The following FCRL5 variants were observed in gnomAD, a reference collection of about 807,000 sequenced individuals.
The protein encoded by FCRL5 is Fc receptor-like protein 5.
In FCRL5, 79 loss-of-function variants were observed where a neutral mutation model predicts 92.1. The ratio of observed to expected loss-of-function variants is 0.86; its 90% confidence interval spans 0.72 to 1.03. The LOEUF is 1.03. FCRL5 is among the 50% of genes least tolerant of loss of function. The pLI, the probability that FCRL5 is intolerant of heterozygous loss-of-function variation, is 0.00. For synonymous variants in FCRL5, 466 were observed against 469.3 expected (o/e 0.99, Z 0.09); for missense variants, 1,160 against 1,181.1 (o/e 0.98, Z 0.26).
At chr1:157,547,685 T>C (rs1168940846) in intron 2 of FCRL5, among the ~76,000 whole-genome samples, 1 of 152,162 alleles carries the variant, frequency 6.6e-6, no homozygotes, top group African/African-American at 2.4e-5. Flanking sequence ...CCCAGAAGAA[T>C]CCCATCACAG....
At chr1:157,542,795 G>A (rs749275979) in intron 6 of FCRL5, 64 bp downstream of exon 6, 31 of 1,555,438 alleles carry the variant, frequency 2.0e-5, no homozygotes, top group African/African-American at 8.2e-5. Flanking sequence ...GCTGACTTCC[G>A]AAGGGCAGGG....
chr1:157,531,812 T>G (rs964377648), intron 8 of FCRL5, among the ~76,000 whole-genome samples: 6 of 152,158 alleles, frequency 3.9e-5, no homozygotes, highest in African/African-American at 1.4e-4. Context: ...ACTGTGGTTA[T>G]CAGAGACTGG....
At chr1:157,521,925 C>A (rs747069245) in intron 10 of FCRL5, 1 of 152,128 alleles carries the variant, frequency 6.6e-6, no homozygotes, top group Non-Finnish European at 1.5e-5. Context: ...TATATTTCTA[C>A]AAGAATTTCT....
intron 6 of FCRL5, among the ~76,000 whole-genome samples, chr1:157,540,250 C>T (rs2101633727): frequency 6.6e-6 from 1 of 152,320 alleles, no homozygotes; most frequent in African/African-American, 2.4e-5. Context: ...CCTCTCCCAG[C>T]TCCCCTTGTT....
rs201143952 is a variant in FCRL5 at position 157,527,855 on chromosome 1, C to T, written c.1722G>A (p.Arg574=). 6.2e-7 allele frequency: 1 copy of T among 1,606,654 alleles called. No homozygotes were observed. Among genetic ancestry groups the T allele is most frequent in the Admixed American group, 1.7e-5 (1 of 59,376 alleles). The change falls in exon 9 of 17, where the codon AGG becomes AGA. Residue 574 remains arginine (R), a synonymous_variant. Transcript: ENST00000361835. ...SRPILTLRVP[R]AQAVVGDLLE... is the part of the protein sequence containing the mutation. ...GCAGGTCCCCCACCACAGCCTGGGC[C>T]CTGGGAACCCTGAGGGTGAGGATGG...
At chr1:157,529,058 GC>G (rs1650569513) in intron 8 of FCRL5, among the ~76,000 whole-genome samples, 1 of 152,190 alleles carries the variant, frequency 6.6e-6, no homozygotes, top group South Asian at 2.1e-4. Context: ...CACAGACTAT[GC>G]ATCTGACATG....
chr1:157,547,495 T>G, intron 2 of FCRL5: 1 of 525,684 alleles, frequency 1.9e-6, no homozygotes, highest in East Asian at 3.9e-5. Context: ...AGAAAATCAA[T>G]GCTGCGCTGC....
chr1:157,521,176 A>G lies in FCRL5; in HGVS notation c.2356T>C (p.Phe786Leu). The change falls in exon 11 of 17, where the codon TTT becomes CTT. Residue 786 changes from phenylalanine to leucine, a missense_variant. Phe to Leu is a conservative substitution (Grantham distance 22, BLOSUM62 0). Transcript: ENST00000361835. ...LRGSPLILYR[F>L]FHEDVTLGNR... ...CCTAGGGTGACATCCTCATGAAAAA[A>G]CCGGTACAGGATCAGGGGAGAGCCT... 3 of 1,613,938 alleles carry G rather than the reference A, an allele frequency of 1.9e-6. No individual in the cohort carries two copies. Among genetic ancestry groups the G allele is most frequent in the Non-Finnish European group, 2.5e-6 (3 of 1,179,990 alleles).
At chr1:157,538,415 T>A (rs988637824) in intron 7 of FCRL5, among the ~76,000 whole-genome samples, 7 of 152,218 alleles carry the variant, frequency 4.6e-5, no homozygotes, top group East Asian at 1.9e-4. Flanking sequence ...CACACATGGA[T>A]GGTTCAAAAC....
rs1278201350 is a variant in FCRL5 at position 157,519,790 on chromosome 1, A to G, written c.2633-20T>C. 6.2e-7 allele frequency: 1 copy of G among 1,613,818 alleles called. No individual in the cohort carries two copies. Among genetic ancestry groups the G allele is most frequent in the Admixed American group, 1.7e-5 (1 of 60,026 alleles). On this transcript the variant is annotated intron_variant, in intron 12 of 16. Transcript: ENST00000361835. Reference sequence around the variant, plus strand: ...TTCTCCCTGTAAAGGAAAGCAGAGGAGCATTGGATTCAGGAAGATGAGACC... The same window carrying G: ...TTCTCCCTGTAAAGGAAAGCAGAGGGGCATTGGATTCAGGAAGATGAGACC...
At chr1:157,545,466 T>C (rs910393821) in intron 3 of FCRL5, among the ~76,000 whole-genome samples, 6 of 151,950 alleles carry the variant, frequency 3.9e-5, no homozygotes, top group African/African-American at 1.4e-4. Flanking sequence ...TTATTGAACC[T>C]GATTTTTAAT....
intron 5 of FCRL5, among the ~76,000 whole-genome samples, chr1:157,544,043 C>A (rs965733776): frequency 2.0e-5 from 3 of 152,094 alleles, no homozygotes; most frequent in African/African-American, 7.2e-5. Context: ...TATTTAATGG[C>A]ATTGAAAGAA....
intron 8 of FCRL5, among the ~76,000 whole-genome samples, chr1:157,529,222 A>C (rs927525961): frequency 6.6e-6 from 1 of 152,258 alleles, no homozygotes; most frequent in African/African-American, 2.4e-5. Context: ...ACTATCAAGG[A>C]AATTCAAATC....
intron 7 of FCRL5, among the ~76,000 whole-genome samples, chr1:157,538,307 C>T (rs1651070029): frequency 6.6e-6 from 1 of 152,182 alleles, no homozygotes; most frequent in African/African-American, 2.4e-5. Flanking sequence ...GGAAAGGAAA[C>T]TGAGGCCGCT....
Position 157,539,478 on chromosome 1 carries a change from C to T in FCRL5, c.1124-114G>A, listed in dbSNP as rs530348141. ...CACTAAGCCAAAGGGAAAAGTCAAG[C>T]TGGGAACTATTTCAGGCAAACCTGC... On this transcript the variant is annotated intron_variant, in intron 6 of 16. Coordinates refer to ENST00000361835, the MANE Select transcript of FCRL5 (RefSeq NM_031281.3). 2.1e-4 allele frequency: 206 copies of T among 996,452 alleles called. No individual in the cohort carries two copies. In the African/African-American group the frequency reaches 3.1e-3, roughly 15 times the overall value. The allele number at this position is 996,452 out of a possible 1,614,324, so 61.7% of individuals were successfully genotyped here. A position where few individuals can be genotyped will look rare whatever the true frequency, so the allele number is the denominator to read the frequency against.
Position 157,547,160 on chromosome 1 carries a change from TG to T in FCRL5, c.89del (p.Pro30HisfsTer11). On this transcript the variant is annotated frameshift_variant, in exon 3 of 17. Coordinates refer to ENST00000361835, the MANE Select transcript of FCRL5 (RefSeq NM_031281.3). LOFTEE classifies it high-confidence loss of function. ...TPRPIIFLQP[P>X]WTTVFQGERV... ...TCTCTCCTTGGAAGACTGTGGTCCATGGAGGCTGGAGGAAAATAATGGGCCT... is the reference window on the plus strand; with the variant it reads ...TCTCTCCTTGGAAGACTGTGGTCCATGAGGCTGGAGGAAAATAATGGGCCT... 6.2e-7 allele frequency: 1 copy of T among 1,613,974 alleles called. No homozygotes were observed. The highest frequency in any genetic ancestry group is 8.5e-7 in the Non-Finnish European group (1 of 1,179,996).
At chr1:157,525,061 TAA>T (rs1056703633) in intron 9 of FCRL5, among the ~76,000 whole-genome samples, 5 of 152,226 alleles carry the variant, frequency 3.3e-5, no homozygotes, top group African/African-American at 1.2e-4. Flanking sequence ...GAGCATTTAA[TAA>T]GTCCCAAGAA....
intron 6 of FCRL5, among the ~76,000 whole-genome samples, chr1:157,540,167 TC>T (rs1166524520): frequency 1.3e-5 from 2 of 152,232 alleles, no homozygotes; most frequent in African/African-American, 4.8e-5. Flanking sequence ...CAGGCTACTC[TC>T]ACCAGCTCTC....
rs761061297 is a variant in FCRL5, at chr1:157,518,739, C to T, written c.2704G>A (p.Val902Ile). The T allele has an allele frequency of 6.2e-7, 1 of 1,613,576 alleles. No homozygotes were observed. The highest frequency in any genetic ancestry group is 8.5e-7 in the Non-Finnish European group (1 of 1,179,936). Residue 902 changes from valine (V) to isoleucine (I), a missense_variant, in exon 14 of 17, where the codon GTA (valine) becomes ATA (isoleucine). Physicochemically the swap from Val to Ile is conservative, Grantham distance 29. Coordinates refer to ENST00000361835, the MANE Select transcript of FCRL5 (RefSeq NM_031281.3). ...GGTTGCAGCTCTTCCCAGGCTGGTA[C>T]ATTGTGATAGGTGGGCTCTTGGGAG... is the stretch of plus-strand genomic sequence containing the variant. ...SDSQEPTYHN[V>I]PAWEELQPVY... is the part of the protein sequence containing the mutation.
Sources: allele counts gnomAD v4.1 joint callset (sites outside exome capture counted in the v4.1 genomes callset), GRCh38; gene constraint gnomAD v4.1.1; transcripts MANE v1.5; gene names NCBI Gene and HGNC (gene_info 2026-07-23, HGNC 2026-07-21).